The following CD33 variants were observed in gnomAD, a reference collection of about 807,000 sequenced individuals.
CD33 encodes the protein CD33 molecule.
In CD33, 25 loss-of-function variants were observed where a neutral mutation model predicts 31.4. That is an observed-to-expected ratio of 0.80 (90% CI 0.58 to 1.11). CD33 has a LOEUF of 1.11. CD33 is among the 50% of genes most tolerant of loss of function. The pLI is 0.00. For synonymous variants in CD33, 176 were observed against 180.6 expected (o/e 0.97, Z 0.20); for missense variants, 407 against 448.1 (o/e 0.91, Z 0.83).
At chr19:51,232,761 T>C (rs974960671) in intron 4 of CD33, among the ~76,000 whole-genome samples, 5 of 152,314 alleles carry the variant, frequency 3.3e-5, no homozygotes, top group South Asian at 2.1e-4. Flanking sequence ...TTTTATATAA[T>C]ATCTATCTCT....
chr19:51,226,316 A>G lies in CD33; in HGVS notation c.705A>G (p.Pro235=), dbSNP rs781410002. The G allele has an allele frequency of 6.8e-6, 11 of 1,613,802 alleles. No individual in the cohort carries two copies. The highest frequency in any genetic ancestry group is 9.3e-6 in the Non-Finnish European group (11 of 1,179,864). The change falls in exon 4 of 7, where the codon CCA becomes CCG. Residue 235 remains proline, a synonymous_variant. Coordinates refer to ENST00000262262, the MANE Select transcript of CD33 (RefSeq NM_001772.4). ...RTIQLNVTYV[P]QNPTTGIFPG... ...CCTCTCTTCCTCTCCTAGATGTTCC[A>G]CAGAACCCAACAACTGGTATCTTTC...
upstream of CD33, among the ~76,000 whole-genome samples, chr19:51,221,847 A>T (rs1360786550): frequency 2.6e-5 from 4 of 152,260 alleles, no homozygotes. Flanking sequence ...ATAGATTCAT[A>T]CACTCAACCA....
intron 4 of CD33, among the ~76,000 whole-genome samples, chr19:51,231,503 T>C (rs1981408786): frequency 6.6e-6 from 1 of 152,222 alleles, no homozygotes; most frequent in African/African-American, 2.4e-5. Flanking sequence ...CACATTATTA[T>C]TAATAGGTTA....
upstream of CD33, among the ~76,000 whole-genome samples, chr19:51,220,226 T>A (rs1259709042): frequency 6.6e-6 from 1 of 152,244 alleles, no homozygotes; most frequent in Non-Finnish European, 1.5e-5. Context: ...TCTTCCTGAT[T>A]CAATCTTGGC....
upstream of CD33, among the ~76,000 whole-genome samples, chr19:51,223,311 C>A (rs910053527): frequency 5.3e-5 from 8 of 152,114 alleles, no homozygotes; most frequent in Admixed American, 3.3e-4. Flanking sequence ...TTACTGGAGA[C>A]TTAATTTGTT....
At chr19:51,229,464 T>C (rs1402329168) in intron 4 of CD33, among the ~76,000 whole-genome samples, 1 of 152,174 alleles carries the variant, frequency 6.6e-6, no homozygotes, top group African/African-American at 2.4e-5. Context: ...TGAGAAGAGT[T>C]GGCATAATTT....
intron 6 of CD33, chr19:51,236,389 T>A (rs1324280270): frequency 1.2e-5 from 2 of 167,162 alleles, no homozygotes; most frequent in African/African-American, 4.8e-5. Context: ...CTCTGGGGTA[T>A]AGGAGTTGTC....
chr19:51,224,578 T>G (rs1200174870), upstream of CD33, among the ~76,000 whole-genome samples: 1 of 152,116 alleles, frequency 6.6e-6, no homozygotes, highest in Non-Finnish European at 1.5e-5. Context: ...ACTCACTATA[T>G]CTTTAGTGAA....
intron 4 of CD33, among the ~76,000 whole-genome samples, chr19:51,227,830 T>C (rs1384583532): frequency 2.0e-5 from 3 of 152,232 alleles, no homozygotes; most frequent in African/African-American, 7.2e-5. Context: ...TATGTTTTTT[T>C]CTAGTATTTT....
At chr19:51,234,982 A>T (rs1981670954) in intron 4 of CD33, among the ~76,000 whole-genome samples, 175 bp from the exon 5 acceptor site, 1 of 152,066 alleles carries the variant, frequency 6.6e-6, no homozygotes, top group Non-Finnish European at 1.5e-5. Flanking sequence ...TGTCAGGTGC[A>T]CTGTGTACTT....
At chr19:51,215,065 G>A in the CD33 span, among the ~76,000 whole-genome samples, 1 of 152,234 alleles carries the variant, frequency 6.6e-6, no homozygotes, top group South Asian at 2.1e-4. Context: ...GGTTCTTGTG[G>A]CCATTGGGGA....
the CD33 span, chr19:51,211,820 C>T: frequency 6.2e-6 from 6 of 970,682 alleles, no homozygotes; most frequent in African/African-American, 9.6e-5. Flanking sequence ...GCATCTTCAT[C>T]CCGAGGACCC....
In CD33 at chr19:51,235,502, C is replaced by T. The variant is rs1293131349; in HGVS notation, c.843-93C>T. On this transcript the variant is annotated intron_variant, in intron 5 of 6. Coordinates refer to ENST00000262262, the MANE Select transcript of CD33 (RefSeq NM_001772.4). ...TTGAGGGCTCCTGGATTAATCCCAC[C>T]CTTTACCTGCCAAAGTCCCTCATTC... 3.4e-6 allele frequency: 5 copies of T among 1,491,676 alleles called. No individual in the cohort carries two copies. The Admixed American group carries it at 7.0e-5, about 21-fold the overall frequency. 92.4% of individuals were successfully genotyped at this position (1,491,676 alleles called of 1,614,324 possible). A position where few individuals can be genotyped will look rare whatever the true frequency, so the allele number is the denominator to read the frequency against.
At chr19:51,211,355 G>C in the CD33 span, 1 of 1,550,242 alleles carries the variant, frequency 6.5e-7, no homozygotes, top group South Asian at 1.1e-5. Flanking sequence ...TACTGGTTCC[G>C]GGAAGGAGCC....
At chr19:51,221,443 T>C (rs1980685648), upstream of CD33, among the ~76,000 whole-genome samples, 2 of 152,238 alleles carry the variant, frequency 1.3e-5, no homozygotes, top group South Asian at 2.1e-4. Flanking sequence ...CCTGAGAACA[T>C]AACTAGAAAA....
chr19:51,219,473 T>C, the CD33 span, among the ~76,000 whole-genome samples: 1 of 152,158 alleles, frequency 6.6e-6, no homozygotes, highest in Non-Finnish European at 1.5e-5. Flanking sequence ...CAAACAGAGA[T>C]AATTTGACTT....
chr19:51,222,520 G>A (rs1980731379), upstream of CD33, among the ~76,000 whole-genome samples: 1 of 152,146 alleles, frequency 6.6e-6, no homozygotes, highest in South Asian at 2.1e-4. Context: ...ACACATAAAT[G>A]GAATACTACT....
At chr19:51,231,686 C>T (rs1392808811) in intron 4 of CD33, among the ~76,000 whole-genome samples, 6 of 150,042 alleles carry the variant, frequency 4.0e-5, no homozygotes, top group East Asian at 1.9e-4. Flanking sequence ...TTTAAGTTCA[C>T]GTGTTTTTGC....
At chr19:51,217,024 C>T in the CD33 span, among the ~76,000 whole-genome samples, 4 of 152,244 alleles carry the variant, frequency 2.6e-5, no homozygotes, top group South Asian at 2.1e-4. Flanking sequence ...AGGAGTCAAG[C>T]GGTGGAAAGG....
Sources: allele counts gnomAD v4.1 joint callset (sites outside exome capture counted in the v4.1 genomes callset), GRCh38; gene constraint gnomAD v4.1.1; transcripts MANE v1.5; gene names NCBI Gene and HGNC (gene_info 2026-07-23, HGNC 2026-07-21).